FANCC: variants seen among roughly 807,000 people sequenced by gnomAD.
FANCC encodes the protein Fanconi anemia group C protein.
Under a neutral mutation model 71.3 loss-of-function variants are expected in FANCC, and 55 were observed. That is an observed-to-expected ratio of 0.77 (90% CI 0.62 to 0.97). The LOEUF is 0.97. Ranked by LOEUF, FANCC falls within the 50% of genes least tolerant of loss-of-function variation. The pLI, the probability that FANCC is intolerant of heterozygous loss-of-function variation, is 0.00. For missense variants in FANCC, 678 were observed against 670.9 expected, an observed-to-expected ratio of 1.01 and a Z score of -0.12; for synonymous variants, 275 against 244.9, an observed-to-expected ratio of 1.12 and a Z score of -1.15.
At position 95,101,654 on chromosome 9, in the gene FANCC, GC is replaced by G; in HGVS notation, c.*52del. ...GCCACAGGTCATCACCTGTCCTGTG[GC>G]CCTGGCGAGCCTGATCCCTCACGCC... On this transcript the variant is annotated 3_prime_UTR_variant, in exon 15 of 15. Transcript: ENST00000289081. The G allele has an allele frequency of 6.2e-7, 1 of 1,608,684 alleles. No individual in the cohort carries two copies. Among genetic ancestry groups the G allele is most frequent in the Admixed American group, 1.7e-5 (1 of 59,868 alleles).
chr9:95,216,010 A>G (rs917830568), intron 4 of FANCC, among the ~76,000 whole-genome samples: 13 of 152,380 alleles, frequency 8.5e-5, no homozygotes, highest in African/African-American at 3.1e-4. Context: ...AGCCATATCA[A>G]TAATTATATT....
chr9:95,277,467 T>C (rs4647400), intron 1 of FANCC, among the ~76,000 whole-genome samples: 1,589 of 152,244 alleles, frequency 0.01, 30 homozygotes, highest in African/African-American at 0.037. Flanking sequence ...AAACATCACA[T>C]TGCACCCTAT....
chr9:95,114,525 C>T lies in FANCC; in HGVS notation c.1154+104G>A, dbSNP rs1486705412. 5 of 1,034,638 alleles carry T rather than the reference C, an allele frequency of 4.8e-6. No individual in the cohort carries two copies. In the East Asian group the frequency reaches 7.1e-5, roughly 15 times the overall value. 64.1% of individuals were successfully genotyped at this position (1,034,638 alleles called of 1,614,324 possible). A position where few individuals can be genotyped will look rare whatever the true frequency, so the allele number is the denominator to read the frequency against. ...GGTGCTCACCTGTTTGGTGATGGTC[C>T]CAGACCAGTAATGCCTTCCTCTGTC... On this transcript the variant is annotated intron_variant, in intron 12 of 14. Transcript: ENST00000289081.
intron 14 of FANCC, 43 bp downstream of exon 14, chr9:95,107,017 GCCTGGA>G: frequency 6.3e-7 from 1 of 1,592,646 alleles, no homozygotes; most frequent in Non-Finnish European, 8.6e-7. Flanking sequence ...CCCACCTCTC[GCCTGGA>G]GCAGAAATGA....
rs912724673 is a variant in FANCC at position 95,117,452 on chromosome 9, T to C, written c.997-62A>G. 9 of 1,402,086 alleles carry C rather than the reference T, an allele frequency of 6.4e-6. No individual in the cohort carries two copies. In the Admixed American group the frequency reaches 9.2e-5, roughly 14 times the overall value. The allele number at this position is 1,402,086 out of a possible 1,614,324, so 86.9% of individuals were successfully genotyped here. Reference sequence around the variant, plus strand: ...TAAGATTGAAACGGGGTCAGGAAAATACAAAACTCTGAGTCCTCTGCCCAA... The same window carrying C: ...TAAGATTGAAACGGGGTCAGGAAAACACAAAACTCTGAGTCCTCTGCCCAA... On this transcript the variant is annotated intron_variant, in intron 10 of 14. Coordinates refer to ENST00000289081, the MANE Select transcript of FANCC (RefSeq NM_000136.3).
intron 6 of FANCC, among the ~76,000 whole-genome samples, chr9:95,151,669 T>C (rs555256975): frequency 1.3e-5 from 2 of 152,170 alleles, no homozygotes; most frequent in African/African-American, 4.8e-5. Context: ...GGCTCACACA[T>C]GGAGACCCAG....
chr9:95,273,352 G>C (rs1832847956), intron 1 of FANCC, among the ~76,000 whole-genome samples: 1 of 152,160 alleles, frequency 6.6e-6, no homozygotes, highest in African/African-American at 2.4e-5. Context: ...TATTGCACTA[G>C]ATTCTGCTGG....
intron 6 of FANCC, among the ~76,000 whole-genome samples, chr9:95,155,881 G>A (rs192538996): frequency 1.0e-5 from 1 of 98,182 alleles, no homozygotes; most frequent in African/African-American, 4.2e-5. Context: ...ACCACATCTG[G>A]CTTTTTTTGG....
chr9:95,147,274 T>C (rs1252122985), intron 7 of FANCC, among the ~76,000 whole-genome samples: 1 of 152,120 alleles, frequency 6.6e-6, no homozygotes, highest in African/African-American at 2.4e-5. Context: ...TCCCAGCACT[T>C]TGGGAGGCCG....
intron 1 of FANCC, among the ~76,000 whole-genome samples, chr9:95,286,100 A>G (rs958163555): frequency 2.6e-5 from 4 of 152,214 alleles, no homozygotes; most frequent in Non-Finnish European, 4.4e-5. Flanking sequence ...ATATGATTGC[A>G]ATTTTCTTCT....
chr9:95,197,578 A>G (rs1286795307), intron 4 of FANCC, among the ~76,000 whole-genome samples: 2 of 152,170 alleles, frequency 1.3e-5, no homozygotes, highest in African/African-American at 2.4e-5. Context: ...ACTGTATGGT[A>G]GTTATAGTTG....
intron 12 of FANCC, chr9:95,113,679 G>C (rs1270966329): frequency 6.6e-6 from 1 of 151,218 alleles, no homozygotes; most frequent in South Asian, 2.1e-4. Flanking sequence ...CTGGAGTGCA[G>C]TGGCACGATC....
intron 4 of FANCC, among the ~76,000 whole-genome samples, chr9:95,188,333 G>A (rs1252087269): frequency 6.6e-6 from 1 of 152,178 alleles, no homozygotes; most frequent in Non-Finnish European, 1.5e-5. Flanking sequence ...CACACAGCGC[G>A]TGGGTTAATG....
chr9:95,277,162 G>C lies in FANCC; in HGVS notation c.-78-27793C>G, dbSNP rs144727470. On this transcript the variant is annotated intron_variant, in intron 1 of 14. Transcript: ENST00000289081. Reference sequence around the variant, plus strand: ...TTCTGATGATTCAGACAATTCTGATGTTAGTTCTGTTTAGAAATAACTCCA... The same window carrying C: ...TTCTGATGATTCAGACAATTCTGATCTTAGTTCTGTTTAGAAATAACTCCA... Among the ~76,000 whole-genome samples, 39 of 152,242 alleles carry C rather than the reference G, an allele frequency of 2.6e-4. No individual in the cohort carries two copies. The East Asian group carries it at 7.1e-3, about 28-fold the overall frequency.
At chr9:95,182,499 G>A (rs779821254) in intron 4 of FANCC, among the ~76,000 whole-genome samples, 1 of 152,190 alleles carries the variant, frequency 6.6e-6, no homozygotes, top group Non-Finnish European at 1.5e-5. Context: ...CAGCCTGGGA[G>A]ATAGAGAAAG....
chr9:95,188,955 AAG>A (rs1191458603), intron 4 of FANCC, among the ~76,000 whole-genome samples: 1 of 152,238 alleles, frequency 6.6e-6, no homozygotes, highest in Non-Finnish European at 1.5e-5. Flanking sequence ...AGTTCAAAAA[AAG>A]AATTTCCTTT....
At chr9:95,129,530 G>C (rs1323739982) in intron 8 of FANCC, among the ~76,000 whole-genome samples, 1 of 152,170 alleles carries the variant, frequency 6.6e-6, no homozygotes, top group Admixed American at 6.5e-5. Flanking sequence ...CAGAGGTCAC[G>C]CTGCAAGCCA....
chr9:95,223,402 C>T (rs1346193281), intron 4 of FANCC, among the ~76,000 whole-genome samples: 1 of 152,170 alleles, frequency 6.6e-6, no homozygotes, highest in Admixed American at 6.5e-5. Flanking sequence ...TGCATGTCTA[C>T]GTCTAAATTT....
intron 1 of FANCC, chr9:95,317,204 G>C (rs1306856930): frequency 6.5e-6 from 1 of 152,746 alleles, no homozygotes; most frequent in Non-Finnish European, 1.5e-5. Context: ...CCAACACCCG[G>C]CTCCCGCCTC....
Sources: gnomAD v4.1 joint callset for allele counts (sites outside exome capture counted in the v4.1 genomes callset) on GRCh38, gnomAD v4.1.1 for gene constraint, MANE v1.5 for transcripts, NCBI Gene and HGNC (gene_info 2026-07-23, HGNC 2026-07-21) for gene names.